Variants in TBC1D16 observed in about 807,000 individuals in gnomAD.
The protein encoded by TBC1D16 is CTD-2529O21.1.
In TBC1D16, 58 loss-of-function variants were observed where a neutral mutation model predicts 74.7. The observed-to-expected ratio is 0.78, with a 90% confidence interval of 0.63 to 0.97. TBC1D16 has a LOEUF of 0.97. TBC1D16 is among the 50% of genes least tolerant of loss of function. The pLI is 0.00. For missense variants in TBC1D16, 1,014 were observed against 1,079.5 expected (o/e 0.94, Z 0.85); for synonymous variants, 493 against 474.7 (o/e 1.04, Z -0.50).
intron 10 of TBC1D16, chr17:79,943,980 G>T: frequency 6.6e-7 from 1 of 1,523,916 alleles, no homozygotes; most frequent in Non-Finnish European, 8.8e-7. Flanking sequence ...GCACGTCCAC[G>T]TCCAGCAGGC....
At chr17:80,014,603 G>A (rs1331533087) in intron 1 of TBC1D16, among the ~76,000 whole-genome samples, 1 of 151,694 alleles carries the variant, frequency 6.6e-6, no homozygotes, top group Non-Finnish European at 1.5e-5. Context: ...TGAGGGAAAG[G>A]GGAGCTGTCA....
chr17:80,013,573 G>A lies in TBC1D16; in HGVS notation c.-26C>T, dbSNP rs1218090269. ...TGCCGGGCAAGTGTTTCCATCCTCCGCATGCGTCGGCCCGGGCAGGGCTCG... is the reference window on the plus strand; with the variant it reads ...TGCCGGGCAAGTGTTTCCATCCTCCACATGCGTCGGCCCGGGCAGGGCTCG... On this transcript the variant is annotated 5_prime_UTR_variant, in exon 2 of 12. Transcript: ENST00000310924. 8 of 1,467,698 alleles carry A rather than the reference G, an allele frequency of 5.5e-6. No homozygotes were observed. The South Asian group carries it at 5.7e-5, about 10-fold the overall frequency. 90.9% of individuals were successfully genotyped at this position (1,467,698 alleles called of 1,614,324 possible). A position where few individuals can be genotyped will look rare whatever the true frequency, so the allele number is the denominator to read the frequency against.
intron 2 of TBC1D16, 129 bp downstream of exon 2, chr17:80,013,237 GC>G: frequency 4.5e-6 from 4 of 897,064 alleles, no homozygotes; most frequent in Non-Finnish European, 6.5e-6. Context: ...GAGGACAGCT[GC>G]TGTTAGTTAC....
At chr17:79,958,043 A>AT (rs889761860) in intron 3 of TBC1D16, among the ~76,000 whole-genome samples, 15 of 152,076 alleles carry the variant, frequency 9.9e-5, no homozygotes, top group Admixed American at 6.5e-5. Context: ...AATGAATAAA[A>AT]TTTCCAGGCC....
intron 5 of TBC1D16, among the ~76,000 whole-genome samples, 183 bp downstream of exon 5, chr17:79,951,267 A>C (rs375227908): frequency 2.0e-5 from 3 of 152,204 alleles, no homozygotes; most frequent in African/African-American, 7.2e-5. Flanking sequence ...ACTTTACCGA[A>C]AGCCCTGGGC....
chr17:79,999,991 G>A (rs899957549), intron 3 of TBC1D16, among the ~76,000 whole-genome samples: 1 of 152,194 alleles, frequency 6.6e-6, no homozygotes, highest in Non-Finnish European at 1.5e-5. Flanking sequence ...GCTGGGCCAT[G>A]AGGAGCAACT....
Position 80,009,371 on chromosome 17 carries a change from C to T in TBC1D16, c.779+789G>A, listed in dbSNP as rs1267346178. Among the ~76,000 whole-genome samples the T allele has an allele frequency of 1.3e-5, 2 of 152,228 alleles. No individual in the cohort carries two copies. The highest frequency in any genetic ancestry group is 2.9e-5 in the Non-Finnish European group (2 of 68,028). ...CTCTGGGGCTCCGGGCTTATGCGAC[C>T]ACACGGGCACTCACCCCAAGGCCAT... On this transcript the variant is annotated intron_variant, in intron 3 of 11. Coordinates refer to ENST00000310924, the MANE Select transcript of TBC1D16 (RefSeq NM_019020.4). This position sits in a 1 kb window ranked among gnomAD's most constrained non-coding sequence, Gnocchi z 5.4.
chr17:79,967,106 C>T (rs1488147606), intron 3 of TBC1D16, among the ~76,000 whole-genome samples: 1 of 152,102 alleles, frequency 6.6e-6, no homozygotes, highest in East Asian at 1.9e-4. Flanking sequence ...AAAAACCCCA[C>T]AAATTTAAGT....
chr17:80,035,527 C>T lies in TBC1D16; in HGVS notation c.-63+268G>A, dbSNP rs1308323984. Among the ~76,000 whole-genome samples the T allele has an allele frequency of 6.6e-6, 1 of 152,086 alleles. No individual in the cohort carries two copies. Among genetic ancestry groups the T allele is most frequent in the Non-Finnish European group, 1.5e-5 (1 of 68,006 alleles). On this transcript the variant is annotated intron_variant, in intron 1 of 11. Transcript: ENST00000310924. The surrounding 1 kb of genome is among the most constrained non-coding windows in gnomAD (Gnocchi z 5.3). ...CTCCCCGAATTAGGCCCATTCCGGGCCCGGGCGCCCTCACTCGCCGCGGGG... is the reference window on the plus strand; with the variant it reads ...CTCCCCGAATTAGGCCCATTCCGGGTCCGGGCGCCCTCACTCGCCGCGGGG...
In TBC1D16 at chr17:79,933,736, C is replaced by G. The variant is rs1388945125; in HGVS notation, c.*7123G>C. 1 of 152,232 alleles carries G rather than the reference C, an allele frequency of 6.6e-6. No homozygotes were observed. Among genetic ancestry groups the G allele is most frequent in the African/African-American group, 2.4e-5 (1 of 41,434 alleles). The allele number at this position is 152,232 out of a possible 1,614,324, so 9.4% of individuals were successfully genotyped here. On this transcript the variant is annotated 3_prime_UTR_variant, in exon 12 of 12. Transcript: ENST00000310924. ...AGGTGTGGGGGTCCACATGGCCTCACCCAGGGGCCAGTGGGGTGGCTTTGC... is the reference window on the plus strand; with the variant it reads ...AGGTGTGGGGGTCCACATGGCCTCAGCCAGGGGCCAGTGGGGTGGCTTTGC...
At chr17:80,006,490 T>C (rs560720379) in intron 3 of TBC1D16, among the ~76,000 whole-genome samples, 1 of 151,944 alleles carries the variant, frequency 6.6e-6, no homozygotes, top group African/African-American at 2.4e-5. Flanking sequence ...AGTCCCATCA[T>C]ACGAAGGCCC....
Position 79,941,709 on chromosome 17 carries a change from C to T in TBC1D16, c.2055+351G>A, listed in dbSNP as rs920098658. On this transcript the variant is annotated intron_variant, in intron 11 of 11. Coordinates refer to ENST00000310924, the MANE Select transcript of TBC1D16 (RefSeq NM_019020.4). The surrounding 1 kb of genome is among the most constrained non-coding windows in gnomAD (Gnocchi z 4.3). The stretch of plus-strand genomic sequence containing the variant: ...CAGGTCCAGCCTCCTTCTCAGTGTT[C>T]CCAGTTCTGGGTTGTAAGCGAGGTA... 2.6e-5 allele frequency among the ~76,000 whole-genome samples: 4 copies of T among 152,210 alleles called. No individual in the cohort carries two copies. Among genetic ancestry groups the T allele is most frequent in the Admixed American group, 6.5e-5 (1 of 15,292 alleles).
Position 79,988,776 on chromosome 17 carries a change from C to A in TBC1D16, c.779+21384G>T, listed in dbSNP as rs1440074482. Among the ~76,000 whole-genome samples the A allele has an allele frequency of 6.6e-6, 1 of 152,236 alleles. No individual in the cohort carries two copies. Among genetic ancestry groups the A allele is most frequent in the Non-Finnish European group, 1.5e-5 (1 of 68,042 alleles). Reference sequence around the variant, plus strand: ...CCCCTGCTTGTTTTATCAGTTAGAGCCACAGAAAATCAAAGTCCAATCCCG... The same window carrying A: ...CCCCTGCTTGTTTTATCAGTTAGAGACACAGAAAATCAAAGTCCAATCCCG... On this transcript the variant is annotated intron_variant, in intron 3 of 11. Transcript: ENST00000310924. The surrounding 1 kb of genome is among the most constrained non-coding windows in gnomAD (Gnocchi z 5.7).
chr17:79,941,459 C>T lies in TBC1D16; in HGVS notation c.2056-352G>A, dbSNP rs550310388. 6.7e-6 allele frequency among the ~76,000 whole-genome samples: 1 copy of T among 148,802 alleles called. No individual in the cohort carries two copies. The highest frequency in any genetic ancestry group is 1.5e-5 in the Non-Finnish European group (1 of 66,584). On this transcript the variant is annotated intron_variant, in intron 11 of 11. Coordinates refer to ENST00000310924, the MANE Select transcript of TBC1D16 (RefSeq NM_019020.4). The surrounding 1 kb of genome is among the most constrained non-coding windows in gnomAD (Gnocchi z 4.3). ...AAGCCCACCTGTCCCTTTGGCAGCA[C>T]CCCTCTCTTCTTCCCCCGCACCTTG...
rs748561721 is a variant in TBC1D16 at position 80,010,062 on chromosome 17, C to T, written c.779+98G>A. ...GGGCAGGTCGGGCAGATGCCTCCAG[C>T]GCTCACCTGGCATCACAGGTGACGC... On this transcript the variant is annotated intron_variant, in intron 3 of 11. Coordinates refer to ENST00000310924, the MANE Select transcript of TBC1D16 (RefSeq NM_019020.4). The surrounding 1 kb of genome is among the most constrained non-coding windows in gnomAD (Gnocchi z 8.8). 7.5e-6 allele frequency: 8 copies of T among 1,066,204 alleles called. No individual in the cohort carries two copies. The highest frequency in any genetic ancestry group is 3.2e-4 in the Middle Eastern group (1 of 3,164). The allele number at this position is 1,066,204 out of a possible 1,614,324, so 66.0% of individuals were successfully genotyped here.
intron 1 of TBC1D16, among the ~76,000 whole-genome samples, chr17:80,029,573 C>G (rs1486475484): frequency 6.6e-6 from 1 of 152,194 alleles, no homozygotes; most frequent in African/African-American, 2.4e-5. Context: ...CCAAAATTCA[C>G]TGCCCAAGAT....
At position 79,981,946 on chromosome 17, in the gene TBC1D16, T is replaced by C. The variant is rs952014229; in HGVS notation, c.779+28214A>G. On this transcript the variant is annotated intron_variant, in intron 3 of 11. Transcript: ENST00000310924. The surrounding 1 kb of genome is among the most constrained non-coding windows in gnomAD (Gnocchi z 6.9). Reference sequence around the variant, plus strand: ...GCACACACACACACATGCACATGTATTAAAGCAAAAGTGAGATTGTGCTGT... The same window carrying C: ...GCACACACACACACATGCACATGTACTAAAGCAAAAGTGAGATTGTGCTGT... 3.3e-5 allele frequency among the ~76,000 whole-genome samples: 5 copies of C among 152,222 alleles called. No homozygotes were observed. Among genetic ancestry groups the C allele is most frequent in the African/African-American group, 1.2e-4 (5 of 41,466 alleles).
At position 79,975,729 on chromosome 17, in the gene TBC1D16, C is replaced by A. The variant is rs992208101; in HGVS notation, c.780-22911G>T. 6.6e-6 allele frequency among the ~76,000 whole-genome samples: 1 copy of A among 152,206 alleles called. No individual in the cohort carries two copies. Among genetic ancestry groups the A allele is most frequent in the Non-Finnish European group, 1.5e-5 (1 of 68,038 alleles). Reference sequence around the variant, plus strand: ...GGACCCCCAGCCAGCCCAAACCTGTCGCTGGCTGCCCACTAACGCTCCCAG... The same window carrying A: ...GGACCCCCAGCCAGCCCAAACCTGTAGCTGGCTGCCCACTAACGCTCCCAG... On this transcript the variant is annotated intron_variant, in intron 3 of 11. Transcript: ENST00000310924. The surrounding 1 kb of genome is among the most constrained non-coding windows in gnomAD (Gnocchi z 4.5).
At position 80,001,077 on chromosome 17, in the gene TBC1D16, C is replaced by G. The variant is rs2035467496; in HGVS notation, c.779+9083G>C. The stretch of plus-strand genomic sequence containing the variant: ...CTGGGCGCCTGCTTGGCTTCTCCGC[C>G]TGACAGTGAGACTGCTGGGGCGAGG... On this transcript the variant is annotated intron_variant, in intron 3 of 11. Coordinates refer to ENST00000310924, the MANE Select transcript of TBC1D16 (RefSeq NM_019020.4). This position sits in a 1 kb window ranked among gnomAD's most constrained non-coding sequence, Gnocchi z 5.8. Among the ~76,000 whole-genome samples the G allele has an allele frequency of 1.3e-5, 2 of 152,242 alleles. No individual in the cohort carries two copies. The highest frequency in any genetic ancestry group is 4.1e-4 in the South Asian group (2 of 4,836).
Sources: allele counts gnomAD v4.1 joint callset (sites outside exome capture counted in the v4.1 genomes callset), GRCh38; gene constraint gnomAD v4.1.1; non-coding constraint Gnocchi (gnomAD v3.1); transcripts MANE v1.5; gene names NCBI Gene and HGNC (gene_info 2026-07-23, HGNC 2026-07-21).